The following PDE3A variants were observed in gnomAD, a reference collection of about 807,000 sequenced individuals.
PDE3A encodes cGMP-inhibited 3',5'-cyclic phosphodiesterase 3A.
PDE3A carries 43 observed loss-of-function variants against 98.3 expected under a neutral mutation model. The observed-to-expected ratio is 0.44, with a 90% CI of 0.34 to 0.56. The LOEUF (loss-of-function observed/expected upper bound fraction) is 0.56. Ranked by LOEUF, PDE3A falls within the 20% of genes least tolerant of loss-of-function variation. The probability of loss-of-function intolerance (pLI) is 0.01; values close to 1 mark genes in which losing one functional copy is unlikely to be tolerated. For missense variants in PDE3A, 1,427 were observed against 1,440.7 expected, an observed-to-expected ratio of 0.99 and a Z score of 0.15; for synonymous variants, 663 against 567.9, an observed-to-expected ratio of 1.17 and a Z score of -2.38.
intron 1 of PDE3A, among the ~76,000 whole-genome samples, chr12:20,469,142 T>C (rs1945393905): frequency 6.6e-6 from 1 of 152,194 alleles, no homozygotes; most frequent in Non-Finnish European, 1.5e-5. Context: ...ACCATTATTA[T>C]TTTATATGAT....
chr12:20,558,444 T>C (rs1007413094), intron 2 of PDE3A, among the ~76,000 whole-genome samples: 3 of 152,014 alleles, frequency 2.0e-5, no homozygotes, highest in Admixed American at 6.5e-5. Context: ...CAAGTCTTTT[T>C]TGGATCTCTT....
chr12:20,485,790 A>T (rs1945717046), intron 1 of PDE3A, among the ~76,000 whole-genome samples: 1 of 151,844 alleles, frequency 6.6e-6, no homozygotes, highest in Admixed American at 6.6e-5. Flanking sequence ...TCTTTAATGC[A>T]TTTGTGCTCT....
chr12:20,533,993 A>G (rs1941689454), intron 1 of PDE3A, among the ~76,000 whole-genome samples: 1 of 151,996 alleles, frequency 6.6e-6, no homozygotes, highest in African/African-American at 2.4e-5. Context: ...GTACTTTCAC[A>G]TTCTTAGCAT....
chr12:20,611,897 T>TA (rs1943864203), intron 2 of PDE3A, among the ~76,000 whole-genome samples: 3 of 148,062 alleles, frequency 2.0e-5, no homozygotes, highest in East Asian at 2.1e-4. Context: ...ATAATGAAAT[T>TA]TAAAAAAAAA....
At chr12:20,583,290 T>G (rs1943113694) in intron 2 of PDE3A, among the ~76,000 whole-genome samples, 1 of 152,232 alleles carries the variant, frequency 6.6e-6, no homozygotes, top group Admixed American at 6.5e-5. Flanking sequence ...TAAATCATTT[T>G]AAATCTCTCA....
intron 10 of PDE3A, among the ~76,000 whole-genome samples, chr12:20,645,223 C>A (rs1288125958): frequency 1.3e-5 from 2 of 152,054 alleles, no homozygotes; most frequent in African/African-American, 2.4e-5. Flanking sequence ...CTGATGAGAT[C>A]TTTTCAAACC....
At chr12:20,544,163 A>G (rs1450500360) in intron 1 of PDE3A, among the ~76,000 whole-genome samples, 2 of 149,288 alleles carry the variant, frequency 1.3e-5, no homozygotes, top group Non-Finnish European at 3.0e-5. Flanking sequence ...ATAAATATAA[A>G]ACATTATATA....
chr12:20,615,742 T>G (rs1278639836), intron 3 of PDE3A, among the ~76,000 whole-genome samples: 1 of 151,952 alleles, frequency 6.6e-6, no homozygotes, highest in Admixed American at 6.5e-5. Flanking sequence ...TATTTATTTA[T>G]TAGACAGACT....
intron 1 of PDE3A, among the ~76,000 whole-genome samples, chr12:20,457,513 T>C (rs1414447105): frequency 2.6e-5 from 4 of 151,910 alleles, no homozygotes; most frequent in African/African-American, 9.7e-5. Flanking sequence ...TTTTTCGTTG[T>C]ACAAAATATT....
At chr12:20,375,571 A>C (rs530972781) in intron 1 of PDE3A, among the ~76,000 whole-genome samples, 2 of 151,970 alleles carry the variant, frequency 1.3e-5, no homozygotes, top group Non-Finnish European at 2.9e-5. Context: ...CACTGTTTTA[A>C]AAGAAGATGC....
intron 1 of PDE3A, among the ~76,000 whole-genome samples, chr12:20,444,340 T>G (rs2120857412): frequency 6.6e-6 from 1 of 152,320 alleles, no homozygotes; most frequent in Admixed American, 6.5e-5. Context: ...CACTGCTCAC[T>G]TTTCCTTTCT....
At chr12:20,411,676 C>T (rs946724969) in intron 1 of PDE3A, among the ~76,000 whole-genome samples, 9 of 152,098 alleles carry the variant, frequency 5.9e-5, no homozygotes, top group African/African-American at 2.2e-4. Context: ...TCTTTATATA[C>T]ATGGCTTTCT....
At chr12:20,450,070 A>G in intron 1 of PDE3A, 1 of 575,180 alleles carries the variant, frequency 1.7e-6, no homozygotes, top group Non-Finnish European at 3.2e-6. Context: ...AAGCTCCTTC[A>G]TCAGCCTTCT....
chr12:20,391,382 TATATATAC>T (rs1277014286), intron 1 of PDE3A, among the ~76,000 whole-genome samples: 2 of 135,664 alleles, frequency 1.5e-5, no homozygotes, highest in African/African-American at 2.9e-5. Flanking sequence ...TATATATATA[TATATATAC>T]ACACACACAT....
At position 20,369,535 on chromosome 12, in the gene PDE3A, A is replaced by G. The variant is rs778662392; in HGVS notation, c.251A>G (p.Glu84Gly). 4 of 1,558,002 alleles carry G rather than the reference A, an allele frequency of 2.6e-6. No individual in the cohort carries two copies. Among genetic ancestry groups the G allele is most frequent in the Non-Finnish European group, 2.6e-6 (3 of 1,151,288 alleles). Residue 84 changes from glutamate (E) to glycine (G), a missense_variant, in exon 1 of 16, where the codon GAG becomes GGG. By Grantham distance (98) the Glu-to-Gly change is moderately conservative. This residue lies in a region of PDE3A where 1,012 missense variants were observed against 886.5 expected (regional missense o/e 1.14). Transcript: ENST00000359062. ...LALLVRLVRG[E>G]VGCDLEQCKE... is the part of the protein sequence containing the mutation. ...CTGCTGGTGAGGCTGGTCCGCGGGG[A>G]GGTCGGCTGTGACCTGGAGCAGTGT...
At chr12:20,588,473 C>A (rs1050298750) in intron 2 of PDE3A, among the ~76,000 whole-genome samples, 6 of 152,152 alleles carry the variant, frequency 3.9e-5, no homozygotes, top group Admixed American at 3.9e-4. Flanking sequence ...AATATTCTCT[C>A]CAGAAGGACT....
intron 2 of PDE3A, among the ~76,000 whole-genome samples, chr12:20,612,745 C>A (rs1299285243): frequency 7.3e-6 from 1 of 137,384 alleles, no homozygotes; most frequent in Admixed American, 7.3e-5. Flanking sequence ...AATATAGTTA[C>A]TTATATAAGT....
intron 4 of PDE3A, among the ~76,000 whole-genome samples, chr12:20,617,702 T>C (rs1233666998): frequency 2.6e-5 from 4 of 152,150 alleles, no homozygotes; most frequent in Non-Finnish European, 5.9e-5. Flanking sequence ...CCTGTCATAG[T>C]ATAGGTAATG....
intron 1 of PDE3A, among the ~76,000 whole-genome samples, chr12:20,540,106 A>G (rs1941854529): frequency 1.3e-5 from 2 of 152,136 alleles, no homozygotes; most frequent in South Asian, 4.1e-4. Context: ...TGAAAAGAAG[A>G]TATCTGCCAA....
Sources: allele counts gnomAD v4.1 joint callset (sites outside exome capture counted in the v4.1 genomes callset), GRCh38; gene constraint gnomAD v4.1.1; regional missense constraint gnomAD v4.1.1; transcripts MANE v1.5; gene names NCBI Gene and HGNC (gene_info 2026-07-23, HGNC 2026-07-21).